CFAP44: variants seen among roughly 807,000 people sequenced by gnomAD.
CFAP44 encodes the protein cilia and flagella associated protein 44.
In CFAP44, 134 loss-of-function variants were observed where a neutral mutation model predicts 216.2. The ratio of observed to expected loss-of-function variants is 0.62; its 90% CI spans 0.54 to 0.72. The LOEUF is 0.72. CFAP44 is among the 30% of genes least tolerant of loss of function. The pLI, the probability that CFAP44 is intolerant of heterozygous loss-of-function variation, is 0.00. For synonymous variants in CFAP44, 700 were observed against 727.6 expected, an observed-to-expected ratio of 0.96 and a Z score of 0.61; for missense variants, 2,035 against 2,182.1, an observed-to-expected ratio of 0.93 and a Z score of 1.34.
intron 24 of CFAP44, among the ~76,000 whole-genome samples, chr3:113,336,683 T>G (rs964195230): frequency 1.3e-5 from 2 of 151,936 alleles, no homozygotes; most frequent in African/African-American, 2.4e-5. Flanking sequence ...AAATATAGAA[T>G]AGCAGATGTA....
At chr3:113,314,575 T>C (rs1017130165) in intron 28 of CFAP44, among the ~76,000 whole-genome samples, 1 of 152,086 alleles carries the variant, frequency 6.6e-6, no homozygotes, top group African/African-American at 2.4e-5. Flanking sequence ...AAGGAAAACT[T>C]GGAACATCAG....
At chr3:113,422,838 ATAT>A (rs745964678) in intron 4 of CFAP44, among the ~76,000 whole-genome samples, 10 of 152,112 alleles carry the variant, frequency 6.6e-5, no homozygotes, top group Non-Finnish European at 1.5e-4. Context: ...CATTTATCTA[ATAT>A]TATTATCTTT....
chr3:113,325,296 G>A (rs1264439901), intron 28 of CFAP44, among the ~76,000 whole-genome samples: 4 of 126,178 alleles, frequency 3.2e-5, no homozygotes, highest in African/African-American at 9.1e-5. Context: ...GCCAGACTCC[G>A]TCTCAAAAAA....
intron 28 of CFAP44, among the ~76,000 whole-genome samples, chr3:113,308,579 T>G (rs1950008454): frequency 6.6e-6 from 1 of 152,094 alleles, no homozygotes; most frequent in Non-Finnish European, 1.5e-5. Flanking sequence ...GACAAAAATT[T>G]TTTTTTCTTT....
chr3:113,363,620 A>G (rs895473486), intron 19 of CFAP44, 88 bp from the exon 20 acceptor site: 3 of 1,212,856 alleles, frequency 2.5e-6, no homozygotes, highest in Admixed American at 5.7e-5. Context: ...TAAAAACTCA[A>G]ATTGGTTCGG....
In CFAP44 at chr3:113,396,531, A is replaced by C. The variant is rs760803051; in HGVS notation, c.1766T>G (p.Ile589Ser). The C allele has an allele frequency of 6.2e-6, 10 of 1,614,076 alleles. No homozygotes were observed. The South Asian group carries it at 1.1e-4, about 18-fold the overall frequency. ...TGTACTGCTTACCCCTGTGGCTAGA[A>C]TTTCCCCATCACGTTCATAAGCTAA... ...TALAYERDGE[I>S]LATGSKDQTV... is the part of the protein sequence containing the mutation. The change falls in exon 14 of 35, where the codon ATT (isoleucine) becomes AGT (serine). Residue 589 changes from isoleucine (I) to serine (S), a missense_variant. By Grantham distance (142) the Ile-to-Ser change is moderately radical. Transcript: ENST00000393845.
At chr3:113,359,802 T>C (rs1252921391) in intron 21 of CFAP44, among the ~76,000 whole-genome samples, 1 of 152,080 alleles carries the variant, frequency 6.6e-6, no homozygotes, top group Admixed American at 6.5e-5. Context: ...CACTAGCAGG[T>C]ACATGGGGCT....
chr3:113,428,855 T>C (rs891002218), intron 2 of CFAP44: 1 of 152,152 alleles, frequency 6.6e-6, no homozygotes, highest in African/African-American at 2.4e-5. Context: ...CAATTTTATA[T>C]ACAAGTTTCT....
intron 22 of CFAP44, among the ~76,000 whole-genome samples, chr3:113,349,736 C>T (rs908713031): frequency 1.3e-5 from 2 of 152,214 alleles, no homozygotes; most frequent in African/African-American, 4.8e-5. Flanking sequence ...TGTCATCACC[C>T]TCACTGAGCC....
At chr3:113,310,079 G>A (rs551012496) in intron 28 of CFAP44, among the ~76,000 whole-genome samples, 3 of 152,316 alleles carry the variant, frequency 2.0e-5, no homozygotes, top group African/African-American at 7.2e-5. Context: ...GTAACGAGGT[G>A]TCCCAACACT....
intron 21 of CFAP44, among the ~76,000 whole-genome samples, chr3:113,361,765 T>C (rs1392629096): frequency 1.3e-5 from 2 of 152,050 alleles, no homozygotes; most frequent in African/African-American, 4.8e-5. Flanking sequence ...CCCAAAGTGC[T>C]GGGATTACAG....
chr3:113,387,105 T>C (rs1008444389), intron 15 of CFAP44, among the ~76,000 whole-genome samples: 1 of 152,130 alleles, frequency 6.6e-6, no homozygotes. Flanking sequence ...TGAAAGGCAG[T>C]CTAGGCCATA....
At chr3:113,307,267 T>G (rs995658962) in intron 29 of CFAP44, among the ~76,000 whole-genome samples, 1 of 152,228 alleles carries the variant, frequency 6.6e-6, no homozygotes, top group African/African-American at 2.4e-5. Context: ...TATATGTAAA[T>G]TACAGTCTGG....
At chr3:113,294,368 T>G in intron 34 of CFAP44, 1 of 331,416 alleles carries the variant, frequency 3.0e-6, no homozygotes, top group Non-Finnish European at 5.6e-6. Context: ...AATACATGTT[T>G]GACACCAAAC....
chr3:113,346,981 C>T (rs1319172982), intron 22 of CFAP44, among the ~76,000 whole-genome samples: 1 of 152,180 alleles, frequency 6.6e-6, no homozygotes, highest in Admixed American at 6.5e-5. Flanking sequence ...GTCAGCGAGA[C>T]CAAGAACCCA....
In CFAP44 at chr3:113,341,757, CT is replaced by C. The variant is rs947129972; in HGVS notation, c.3423del (p.Glu1142AsnfsTer35). ...AAAAAAACTCACAGTTCCTCCCATT[CT>C]TTTTTTCGCTGTTGAATCTTTAGTT... ...RAQLKIQQRK[K>X]EWEELYKSKP... On this transcript the variant is annotated frameshift_variant, in exon 24 of 35. Coordinates refer to ENST00000393845, the MANE Select transcript of CFAP44 (RefSeq NM_001164496.2). LOFTEE classifies it high-confidence loss of function. 21 of 1,485,752 alleles carry C rather than the reference CT, an allele frequency of 1.4e-5. No individual in the cohort carries two copies. Among genetic ancestry groups the C allele is most frequent in the Admixed American group, 2.7e-5 (1 of 37,670 alleles). The allele number at this position is 1,485,752 out of a possible 1,614,324, so 92.0% of individuals were successfully genotyped here. A position where few individuals can be genotyped will look rare whatever the true frequency, so the allele number is the denominator to read the frequency against.
At chr3:113,353,502 C>T (rs1184392054) in intron 22 of CFAP44, among the ~76,000 whole-genome samples, 1 of 142,446 alleles carries the variant, frequency 7.0e-6, no homozygotes, top group Non-Finnish European at 1.5e-5. Context: ...ACACACAAAA[C>T]TTATATATAC....
At chr3:113,305,484 G>C (rs1484951576) in intron 30 of CFAP44, among the ~76,000 whole-genome samples, 1 of 152,136 alleles carries the variant, frequency 6.6e-6, no homozygotes, top group Non-Finnish European at 1.5e-5. Context: ...AGAATGGTGG[G>C]AGTCTTTTTT....
rs552390513 is a variant in CFAP44, at chr3:113,372,596, G to A, written c.2444+815C>T. ...GCCTGTTGGGGAGTGGGGGGCAGAGGGAGGGATAGCATTAGGAGAAATACC... is the reference window on the plus strand; with the variant it reads ...GCCTGTTGGGGAGTGGGGGGCAGAGAGAGGGATAGCATTAGGAGAAATACC... On this transcript the variant is annotated intron_variant, in intron 18 of 34. Transcript: ENST00000393845. Among the ~76,000 whole-genome samples, 8 of 152,264 alleles carry A rather than the reference G, an allele frequency of 5.3e-5. No individual in the cohort carries two copies. The South Asian group carries it at 1.7e-3, about 32-fold the overall frequency.
Sources: gnomAD v4.1 joint callset for allele counts (sites outside exome capture counted in the v4.1 genomes callset) on GRCh38, gnomAD v4.1.1 for gene constraint, MANE v1.5 for transcripts, NCBI Gene and HGNC (gene_info 2026-07-23, HGNC 2026-07-21) for gene names.